The following PPHLN1 variants were observed in gnomAD, a reference collection of about 807,000 sequenced individuals.
PPHLN1 encodes periphilin 1, also known as periphilin-1.
Under a neutral mutation model 51.3 loss-of-function variants are expected in PPHLN1, and 29 were observed. The ratio of observed to expected loss-of-function variants is 0.57; its 90% CI spans 0.42 to 0.77. PPHLN1 has a LOEUF of 0.77. Ranked by LOEUF, PPHLN1 falls within the 30% of genes least tolerant of loss-of-function variation. PPHLN1 has a pLI of 0.00. For synonymous variants in PPHLN1, 147 were observed against 147.8 expected (o/e 0.99, Z 0.04); for missense variants, 436 against 438.4 (o/e 0.99, Z 0.05).
chr12:42,363,820 T>C, intron 4 of PPHLN1, among the ~76,000 whole-genome samples: 1 of 152,248 alleles, frequency 6.6e-6, no homozygotes, highest in Non-Finnish European at 1.5e-5. Context: ...TATATCAGGA[T>C]TTATTTCATT....
chr12:42,381,559 A>G (rs2076759972), intron 5 of PPHLN1, among the ~76,000 whole-genome samples: 1 of 152,194 alleles, frequency 6.6e-6, no homozygotes, highest in Non-Finnish European at 1.5e-5. Flanking sequence ...ATCTTGAGGG[A>G]AGCAGAGGTG....
Position 42,441,350 on chromosome 12 carries a change from G to A in PPHLN1, c.945G>A (p.Val315=), listed in dbSNP as rs773801689. ...AAGACTGTGAAACTTTCGGGATGGT[G>A]GTGAAAATGCTGATTGAAAAAGATC... ...YRQDCETFGM[V]VKMLIEKDPS... The change falls in exon 10 of 10, where the codon GTG becomes GTA. Residue 315 remains valine (V), a synonymous_variant. Transcript: ENST00000358314. The A allele has an allele frequency of 1.3e-5, 21 of 1,612,824 alleles. No individual in the cohort carries two copies. Among genetic ancestry groups the A allele is most frequent in the Non-Finnish European group, 1.4e-5 (16 of 1,179,314 alleles).
intron 5 of PPHLN1, among the ~76,000 whole-genome samples, chr12:42,377,103 G>A (rs997191015): frequency 1.5e-5 from 2 of 132,120 alleles, no homozygotes; most frequent in Non-Finnish European, 3.1e-5. Context: ...GCTTTTTTGC[G>A]ATTTTTTTTT....
At chr12:42,428,967 CCTTG>C (rs748896220) in intron 9 of PPHLN1, among the ~76,000 whole-genome samples, 17 of 151,920 alleles carry the variant, frequency 1.1e-4, no homozygotes, top group Non-Finnish European at 2.5e-4. Flanking sequence ...GCCTACTCCT[CCTTG>C]CTTTTATTAA....
intron 8 of PPHLN1, among the ~76,000 whole-genome samples, chr12:42,395,252 T>G (rs775645318): frequency 4.1e-4 from 63 of 152,192 alleles, no homozygotes; most frequent in Non-Finnish European, 6.5e-4. Context: ...AATCTGTAAG[T>G]TGAGTCATAG....
At chr12:42,363,178 A>G (rs1286527698) in intron 4 of PPHLN1, among the ~76,000 whole-genome samples, 2 of 152,166 alleles carry the variant, frequency 1.3e-5, no homozygotes, top group African/African-American at 2.4e-5. Flanking sequence ...GTCTTAATTT[A>G]TAACCTTGTA....
chr12:42,400,663 C>G (rs1003738002), intron 9 of PPHLN1, among the ~76,000 whole-genome samples: 1 of 152,018 alleles, frequency 6.6e-6, no homozygotes, highest in African/African-American at 2.4e-5. Flanking sequence ...GTGTGAGCCA[C>G]TGTGCTAAGA....
At chr12:42,366,179 A>G (rs2075249970) in intron 4 of PPHLN1, among the ~76,000 whole-genome samples, 1 of 150,852 alleles carries the variant, frequency 6.6e-6, no homozygotes, top group Admixed American at 6.6e-5. Context: ...AAATTATACT[A>G]GTTGATACTG....
intron 4 of PPHLN1, chr12:42,361,193 G>A (rs1320811097): frequency 6.6e-6 from 1 of 152,434 alleles, no homozygotes; most frequent in African/African-American, 2.4e-5. Flanking sequence ...AGACATAAGA[G>A]CTTGCTCTCC....
chr12:42,419,448 G>A (rs2080785262), intron 9 of PPHLN1, among the ~76,000 whole-genome samples: 1 of 152,112 alleles, frequency 6.6e-6, no homozygotes, highest in Admixed American at 6.5e-5. Flanking sequence ...TGGCTAAGCT[G>A]GTCTTGAACT....
At chr12:42,401,028 C>T (rs1056240777) in intron 9 of PPHLN1, among the ~76,000 whole-genome samples, 1 of 152,136 alleles carries the variant, frequency 6.6e-6, no homozygotes, top group African/African-American at 2.4e-5. Flanking sequence ...ATGAACAATT[C>T]TGGGAGGTTT....
At chr12:42,395,150 A>G (rs2139217764) in intron 8 of PPHLN1, among the ~76,000 whole-genome samples, 1 of 152,202 alleles carries the variant, frequency 6.6e-6, no homozygotes, top group East Asian at 1.9e-4. Flanking sequence ...CTTCGGATCT[A>G]GAAAGACTTT....
chr12:42,344,442 C>T (rs910098999), intron 2 of PPHLN1, among the ~76,000 whole-genome samples: 10 of 152,068 alleles, frequency 6.6e-5, no homozygotes, highest in African/African-American at 2.4e-4. Flanking sequence ...ACTTTCTTCC[C>T]TCCTAGATTA....
intron 4 of PPHLN1, among the ~76,000 whole-genome samples, chr12:42,370,992 G>A (rs1218153735): frequency 6.6e-6 from 1 of 152,028 alleles, no homozygotes; most frequent in Non-Finnish European, 1.5e-5. Context: ...TTTTAATAGA[G>A]ATGGGGTTTC....
chr12:42,444,846 G>A (rs1356096870), downstream of PPHLN1: 18 of 561,242 alleles, frequency 3.2e-5, no homozygotes, highest in South Asian at 2.5e-4. Flanking sequence ...CATACCTAAC[G>A]CTGTAATGCT....
chr12:42,436,255 C>G lies in PPHLN1; in HGVS notation c.910-5060C>G, dbSNP rs533191811. 4.0e-5 allele frequency among the ~76,000 whole-genome samples: 6 copies of G among 151,098 alleles called. No individual in the cohort carries two copies. The South Asian group carries it at 1.3e-3, about 32-fold the overall frequency. ...ATATCGATGGTTTTAGATGTCTGCA[C>G]TTGGCTCTTACATTGTCTTAAAGCA... On this transcript the variant is annotated intron_variant, in intron 9 of 9. Coordinates refer to ENST00000358314, the MANE Select transcript of PPHLN1 (RefSeq NM_201439.2).
At chr12:42,424,113 C>T (rs1462859900) in intron 9 of PPHLN1, among the ~76,000 whole-genome samples, 5 of 152,180 alleles carry the variant, frequency 3.3e-5, no homozygotes, top group Non-Finnish European at 7.3e-5. Flanking sequence ...TGTTAAAGCA[C>T]TGCTGATAGG....
chr12:42,382,920 C>CTTA (rs1480933566), intron 5 of PPHLN1, among the ~76,000 whole-genome samples: 2 of 152,108 alleles, frequency 1.3e-5, no homozygotes, highest in African/African-American at 4.8e-5. Flanking sequence ...GTTTTAAGTA[C>CTTA]AGTGGTGGTG....
rs149086043 is a variant in PPHLN1 at position 42,416,386 on chromosome 12, G to A, written c.909+17392G>A. Among the ~76,000 whole-genome samples, 203 of 152,288 alleles carry A rather than the reference G, an allele frequency of 1.3e-3. 1 individual carries two copies. The highest frequency in any genetic ancestry group is 6.8e-3 in the Middle Eastern group (2 of 294). ...CTGTTTCAACCCCAACAGGTGTAGT[G>A]CAATTCAATTCTGGCATTAACCACC... On this transcript the variant is annotated intron_variant, in intron 9 of 9. Transcript: ENST00000358314.
Sources: allele counts gnomAD v4.1 joint callset (sites outside exome capture counted in the v4.1 genomes callset), GRCh38; gene constraint gnomAD v4.1.1; transcripts MANE v1.5; gene names NCBI Gene and HGNC (gene_info 2026-07-23, HGNC 2026-07-21).